The following GNAO1 variants were observed in gnomAD, a reference collection of about 807,000 sequenced individuals.
GNAO1 encodes the protein G protein subunit alpha o1, also known as guanine nucleotide-binding protein G(o) subunit alpha.
For missense variants in GNAO1, 166 were observed against 478.7 expected, an observed-to-expected ratio of 0.35 and a Z score of 6.10; for synonymous variants, 164 against 180.7, an observed-to-expected ratio of 0.91 and a Z score of 0.74.
At chr16:56,306,216 G>A (rs867696020) in intron 3 of GNAO1, among the ~76,000 whole-genome samples, 1 of 152,200 alleles carries the variant, frequency 6.6e-6, no homozygotes, top group Non-Finnish European at 1.5e-5. Context: ...TCTTACCGAA[G>A]GTCAGTCAGA....
At chr16:56,334,883 C>T (rs1398245529) in intron 5 of GNAO1, 26 bp downstream of exon 5, 2 of 1,612,940 alleles carry the variant, frequency 1.2e-6, no homozygotes. Context: ...GCCCCCAGGC[C>T]CTGGCGAGGG....
At chr16:56,291,638 C>T (rs557041251) in intron 3 of GNAO1, among the ~76,000 whole-genome samples, 1 of 152,158 alleles carries the variant, frequency 6.6e-6, no homozygotes, top group South Asian at 2.1e-4. Flanking sequence ...CTCACTCCCC[C>T]AGACCTACTC....
At chr16:56,344,210 G>A in intron 6 of GNAO1, 1 of 1,398,578 alleles carries the variant, frequency 7.2e-7, no homozygotes, top group Non-Finnish European at 9.3e-7. Context: ...TGTCATCTCT[G>A]AGTGCTTGAT....
rs2037878684 is a variant in GNAO1, at chr16:56,347,266, G to T, written c.724-4118G>T. 6.1e-6 allele frequency: 6 copies of T among 985,420 alleles called. No individual in the cohort carries two copies. In the South Asian group the frequency reaches 2.8e-4, roughly 46 times the overall value. The allele number at this position is 985,420 out of a possible 1,614,324, so 61.0% of individuals were successfully genotyped here. On this transcript the variant is annotated intron_variant, in intron 6 of 8. Coordinates refer to ENST00000262493, the MANE Select transcript of GNAO1 (RefSeq NM_020988.3). ...AAACCTGGCAGTTCTCAGGAACCCAGACCTGAGGCTCCAGCTCCGCGGCCA... is the reference window on the plus strand; with the variant it reads ...AAACCTGGCAGTTCTCAGGAACCCATACCTGAGGCTCCAGCTCCGCGGCCA...
rs1211444128 is a variant in GNAO1, at chr16:56,311,554, C to T, written c.304-17077C>T. Reference sequence around the variant, plus strand: ...CAGAGAAAAACTGTTGGGGTGATGGCGCCTTGGCTGGAGCAGGCCACCCAC... The same window carrying T: ...CAGAGAAAAACTGTTGGGGTGATGGTGCCTTGGCTGGAGCAGGCCACCCAC... On this transcript the variant is annotated intron_variant, in intron 3 of 8. Transcript: ENST00000262493. The surrounding 1 kb of genome is among the most constrained non-coding windows in gnomAD (Gnocchi z 5.2). 6.6e-6 allele frequency among the ~76,000 whole-genome samples: 1 copy of T among 152,182 alleles called. No homozygotes were observed. The highest frequency in any genetic ancestry group is 1.9e-4 in the East Asian group (1 of 5,192).
At chr16:56,313,254 A>G (rs1370619202) in intron 3 of GNAO1, among the ~76,000 whole-genome samples, 1 of 152,118 alleles carries the variant, frequency 6.6e-6, no homozygotes, top group Non-Finnish European at 1.5e-5. Context: ...GCTCTTAAAC[A>G]TTTTGGTTTA....
intron 2 of GNAO1, among the ~76,000 whole-genome samples, chr16:56,229,538 A>G (rs2036568056): frequency 6.6e-6 from 1 of 152,164 alleles, no homozygotes; most frequent in African/African-American, 2.4e-5. Flanking sequence ...TGTGAAAACA[A>G]GTACTGGGGA....
At chr16:56,352,579 G>C (rs1311605645) in intron 7 of GNAO1, 1 of 152,276 alleles carries the variant, frequency 6.6e-6, no homozygotes, top group Non-Finnish European at 1.5e-5. Flanking sequence ...AAGGCTTTGG[G>C]CATGGGCTCA....
intron 6 of GNAO1, chr16:56,343,909 G>A (rs1330301776): frequency 2.5e-6 from 4 of 1,613,986 alleles, no homozygotes; most frequent in African/African-American, 1.3e-5. Flanking sequence ...TGTGACGGAC[G>A]TCATCATCGC....
intron 6 of GNAO1, chr16:56,346,110 T>C (rs2037865604): frequency 1.0e-6 from 1 of 985,534 alleles, no homozygotes; most frequent in Non-Finnish European, 1.2e-6. Context: ...CCATCCTCCT[T>C]GGTTTCTTGC....
At chr16:56,220,770 C>CA (rs2036477481) in intron 2 of GNAO1, among the ~76,000 whole-genome samples, 1 of 151,850 alleles carries the variant, frequency 6.6e-6, no homozygotes, top group Admixed American at 6.6e-5. Context: ...TTGTTTGAGA[C>CA]AGAGTCTCAC....
chr16:56,324,884 C>T (rs1187793534), intron 3 of GNAO1, among the ~76,000 whole-genome samples: 1 of 152,268 alleles, frequency 6.6e-6, no homozygotes, highest in Non-Finnish European at 1.5e-5. Context: ...TTTCTCACTG[C>T]CCTTCTGCAG....
In GNAO1 at chr16:56,208,661, A is replaced by G. The variant is rs547685230; in HGVS notation, c.161+16045A>G. Among the ~76,000 whole-genome samples the G allele has an allele frequency of 1.3e-4, 20 of 152,248 alleles. No homozygotes were observed. The South Asian group carries it at 2.5e-3, about 19-fold the overall frequency. ...TATTTGGTACTGTCCAATTTTTTCA[A>G]TTTTACCAAACCAATAGGCAAGTAG... On this transcript the variant is annotated intron_variant, in intron 2 of 8. Coordinates refer to ENST00000262493, the MANE Select transcript of GNAO1 (RefSeq NM_020988.3).
intron 2 of GNAO1, among the ~76,000 whole-genome samples, chr16:56,246,661 C>T (rs1038844009): frequency 6.6e-5 from 10 of 152,140 alleles, no homozygotes; most frequent in African/African-American, 1.9e-4. Flanking sequence ...GTCCCCACAG[C>T]GCCCTGCTGT....
intron 3 of GNAO1, among the ~76,000 whole-genome samples, chr16:56,286,117 T>G (rs999474247): frequency 1.1e-4 from 16 of 152,056 alleles, no homozygotes; most frequent in African/African-American, 3.6e-4. Flanking sequence ...GGGAGTGTAG[T>G]GGGGGTCACA....
At chr16:56,267,638 C>T (rs539982876) in intron 2 of GNAO1, among the ~76,000 whole-genome samples, 1 of 152,308 alleles carries the variant, frequency 6.6e-6, no homozygotes, top group Admixed American at 6.5e-5. Flanking sequence ...CCACCATGCA[C>T]CTGTACTGTA....
chr16:56,320,768 TCA>T (rs1426915151), intron 3 of GNAO1, among the ~76,000 whole-genome samples: 1 of 152,158 alleles, frequency 6.6e-6, no homozygotes, highest in African/African-American at 2.4e-5. Context: ...AGGTTTTCCC[TCA>T]CACACACAGC....
chr16:56,353,071 TG>T (rs2037939151), intron 7 of GNAO1: 1 of 152,498 alleles, frequency 6.6e-6, no homozygotes, highest in African/African-American at 2.4e-5. Context: ...GAGGGGGAAC[TG>T]GCCACGGAGA....
chr16:56,277,182 T>C (rs987826737), intron 3 of GNAO1, among the ~76,000 whole-genome samples: 1 of 152,212 alleles, frequency 6.6e-6, no homozygotes, highest in Non-Finnish European at 1.5e-5. Flanking sequence ...ACTGAGGGTA[T>C]GTCCGAGGCC....
Sources: allele counts gnomAD v4.1 joint callset (sites outside exome capture counted in the v4.1 genomes callset), GRCh38; gene constraint gnomAD v4.1.1; non-coding constraint Gnocchi (gnomAD v3.1); transcripts MANE v1.5; gene names NCBI Gene and HGNC (gene_info 2026-07-23, HGNC 2026-07-21).